HYAL4: variants seen among roughly 807,000 people sequenced by gnomAD.
HYAL4 encodes hyaluronidase-4.
HYAL4 carries 37 observed loss-of-function variants against 35.2 expected under a neutral mutation model. That is an observed-to-expected ratio of 1.05 (90% confidence interval 0.81 to 1.38). The LOEUF (loss-of-function observed/expected upper bound fraction) is 1.38. Ranked by LOEUF, HYAL4 falls within the 40% of genes most tolerant of loss-of-function variation. HYAL4 has a pLI of 0.00. For missense variants in HYAL4, 572 were observed against 572.4 expected (o/e 1.00, Z 0.01); for synonymous variants, 198 against 203.2 (o/e 0.97, Z 0.22).
chr7:123,832,835 T>C (rs1392258896), intron 1 of HYAL4, among the ~76,000 whole-genome samples: 5 of 152,314 alleles, frequency 3.3e-5, no homozygotes, highest in Non-Finnish European at 5.9e-5. Flanking sequence ...TTCCCACTTA[T>C]GAGTGACAAC....
chr7:123,868,560 G>A lies in HYAL4; in HGVS notation c.287G>A (p.Gly96Glu), dbSNP rs1806762810. 1 of 1,613,816 alleles carries A rather than the reference G, an allele frequency of 6.2e-7. No individual in the cohort carries two copies. Among genetic ancestry groups the A allele is most frequent in the Non-Finnish European group, 8.5e-7 (1 of 1,179,946 alleles). ...ACTATATTTTATGTCAACAGATTGG[G>A]ATACTATCCGTGGTATACATCACAA... Reference protein sequence around the residue: ...NVTIFYVNRLGYYPWYTSQGV... With the variant: ...NVTIFYVNRLEYYPWYTSQGV... Residue 96 changes from glycine (G) to glutamate (E), a missense_variant, in exon 3 of 5, where the codon GGA becomes GAA. Gly to Glu is a moderately conservative substitution (Grantham distance 98). Transcript: ENST00000223026.
At chr7:123,875,181 C>G (rs1259853763) in intron 4 of HYAL4, among the ~76,000 whole-genome samples, 1 of 152,128 alleles carries the variant, frequency 6.6e-6, no homozygotes, top group Non-Finnish European at 1.5e-5. Flanking sequence ...AGGTTAATAA[C>G]TATTTAGGAT....
At chr7:123,840,606 T>C (rs994378865), upstream of HYAL4, among the ~76,000 whole-genome samples, 10 of 152,076 alleles carry the variant, frequency 6.6e-5, no homozygotes, top group African/African-American at 2.2e-4. Context: ...GTATTGATTC[T>C]TCCTATGCAT....
the HYAL4 span, among the ~76,000 whole-genome samples, chr7:123,805,918 C>T: frequency 4.6e-5 from 7 of 152,026 alleles, no homozygotes; most frequent in Admixed American, 2.0e-4. Context: ...CACTTGAACC[C>T]GGGAGGTAGA....
chr7:123,813,618 A>T, the HYAL4 span, among the ~76,000 whole-genome samples: 3 of 152,230 alleles, frequency 2.0e-5, no homozygotes, highest in African/African-American at 7.2e-5. Flanking sequence ...AAAAATAAAC[A>T]TTTGAAGCCA....
At chr7:123,772,128 C>T in the HYAL4 span, among the ~76,000 whole-genome samples, 1 of 152,116 alleles carries the variant, frequency 6.6e-6, no homozygotes, top group Non-Finnish European at 1.5e-5. Context: ...TGGGACTTCT[C>T]AGCCTCCATA....
chr7:123,812,447 A>G, the HYAL4 span, among the ~76,000 whole-genome samples: 2 of 152,334 alleles, frequency 1.3e-5, no homozygotes, highest in East Asian at 3.9e-4. Context: ...AGTCTGTTAT[A>G]AAATGTAGAC....
At chr7:123,833,297 A>G (rs1455580761) in intron 1 of HYAL4, among the ~76,000 whole-genome samples, 1 of 152,196 alleles carries the variant, frequency 6.6e-6, no homozygotes, top group Non-Finnish European at 1.5e-5. Flanking sequence ...GTGGTATCAC[A>G]TAGTGGTTTT....
the HYAL4 span, among the ~76,000 whole-genome samples, chr7:123,821,846 A>AT: frequency 6.6e-6 from 1 of 152,094 alleles, no homozygotes; most frequent in Non-Finnish European, 1.5e-5. Flanking sequence ...TAGGGATCCA[A>AT]TTTCATTTCT....
At chr7:123,841,258 G>A (rs954241544), upstream of HYAL4, among the ~76,000 whole-genome samples, 4 of 151,928 alleles carry the variant, frequency 2.6e-5, no homozygotes, top group Admixed American at 6.6e-5. Context: ...TATGGTTTTT[G>A]TCATTGGTTC....
At chr7:123,859,176 C>G (rs1806526965) in intron 2 of HYAL4, among the ~76,000 whole-genome samples, 1 of 152,046 alleles carries the variant, frequency 6.6e-6, no homozygotes, top group Non-Finnish European at 1.5e-5. Context: ...TAAAATTAGG[C>G]TGAATAAATC....
In HYAL4 at chr7:123,877,017, T is replaced by C. The variant is rs1027089167; in HGVS notation, c.1308T>C (p.His436=). ...TGATGGCAGATACATTTTCCTGTCA[T>C]TGTTATCAGGGATATGAAGGAGCTG... ...LAVMADTFSC[H]CYQGYEGADC... Residue 436 remains histidine (H), a synonymous_variant, in exon 5 of 5, where the codon CAT becomes CAC. Coordinates refer to ENST00000223026, the MANE Select transcript of HYAL4 (RefSeq NM_012269.3). 1 of 1,614,200 alleles carries C rather than the reference T, an allele frequency of 6.2e-7. No individual in the cohort carries two copies. Among genetic ancestry groups the C allele is most frequent in the African/African-American group, 1.3e-5 (1 of 75,062 alleles).
At chr7:123,815,668 A>G in the HYAL4 span, among the ~76,000 whole-genome samples, 3 of 152,212 alleles carry the variant, frequency 2.0e-5, no homozygotes, top group Admixed American at 2.0e-4. Context: ...GTTTGAAGAC[A>G]TGGCAAGTGT....
the HYAL4 span, among the ~76,000 whole-genome samples, chr7:123,823,706 T>TTA: frequency 2.8e-5 from 4 of 140,908 alleles, no homozygotes; most frequent in African/African-American, 8.2e-5. Context: ...ACATATATAT[T>TTA]TATATATATA....
At chr7:123,874,555 A>G (rs1024761696) in intron 3 of HYAL4, among the ~76,000 whole-genome samples, 3 of 151,744 alleles carry the variant, frequency 2.0e-5, no homozygotes, top group Non-Finnish European at 1.5e-5. Context: ...GGCGCCCACC[A>G]CCACGCCTGG....
the HYAL4 span, among the ~76,000 whole-genome samples, chr7:123,802,440 CT>C: frequency 0.07 from 10,689 of 152,202 alleles, 442 homozygotes; most frequent in East Asian, 0.12. Flanking sequence ...GATAATTTGA[CT>C]TAAATGGAAC....
At chr7:123,849,822 G>A (rs903207673) in intron 2 of HYAL4, among the ~76,000 whole-genome samples, 2 of 152,194 alleles carry the variant, frequency 1.3e-5, no homozygotes, top group Non-Finnish European at 1.5e-5. Flanking sequence ...GACCGAGATC[G>A]CATCACTGCA....
chr7:123,832,870 G>A (rs1805906889), intron 1 of HYAL4, among the ~76,000 whole-genome samples: 4 of 152,038 alleles, frequency 2.6e-5, no homozygotes, highest in Admixed American at 2.6e-4. Flanking sequence ...TTCCATTCCT[G>A]AGTTATTTCA....
chr7:123,787,196 T>C, the HYAL4 span, among the ~76,000 whole-genome samples: 1 of 152,164 alleles, frequency 6.6e-6, no homozygotes, highest in South Asian at 2.1e-4. Flanking sequence ...TGAACTTCCT[T>C]GTAAACATGA....
Sources: gnomAD v4.1 joint callset for allele counts (sites outside exome capture counted in the v4.1 genomes callset) on GRCh38, gnomAD v4.1.1 for gene constraint, MANE v1.5 for transcripts, NCBI Gene and HGNC (gene_info 2026-07-23, HGNC 2026-07-21) for gene names.